The following SLC1A3 variants were observed in gnomAD, a reference collection of about 807,000 sequenced individuals.
SLC1A3 encodes solute carrier family 1 member 3, also known as excitatory amino acid transporter 1.
SLC1A3 carries 21 observed loss-of-function variants against 48.1 expected under a neutral mutation model. That is an observed-to-expected ratio of 0.44 (90% CI 0.31 to 0.63). The LOEUF (loss-of-function observed/expected upper bound fraction) is 0.63. SLC1A3 is among the 20% of genes least tolerant of loss of function. The probability of loss-of-function intolerance (pLI) is 0.08; values close to 1 mark genes in which losing one functional copy is unlikely to be tolerated. For missense variants in SLC1A3, 546 were observed against 689.0 expected (o/e 0.79, Z 2.32); for synonymous variants, 239 against 251.4 (o/e 0.95, Z 0.47).
At chr5:36,681,156 T>C (rs1388836222) in intron 8 of SLC1A3, among the ~76,000 whole-genome samples, 1 of 152,218 alleles carries the variant, frequency 6.6e-6, no homozygotes, top group African/African-American at 2.4e-5. Context: ...CTTCTGTAAG[T>C]GACCATTGTT....
intron 2 of SLC1A3, among the ~76,000 whole-genome samples, chr5:36,614,007 C>T (rs191926814): frequency 7.9e-5 from 12 of 152,322 alleles, no homozygotes; most frequent in African/African-American, 2.6e-4. Flanking sequence ...CCTACTGTGA[C>T]GGTGTAGCCC....
intron 3 of SLC1A3, among the ~76,000 whole-genome samples, chr5:36,656,219 A>C (rs1374321809): frequency 6.6e-6 from 1 of 152,192 alleles, no homozygotes; most frequent in African/African-American, 2.4e-5. Context: ...CTGAAAGGTC[A>C]TTGTTATTAT....
At chr5:36,601,792 C>CT (rs1179140789), upstream of SLC1A3, among the ~76,000 whole-genome samples, 79 of 145,382 alleles carry the variant, frequency 5.4e-4, no homozygotes, top group Middle Eastern at 3.5e-3. Flanking sequence ...AACTCATTGG[C>CT]TTTTTTTTTT....
intron 3 of SLC1A3, chr5:36,666,213 G>T (rs571504558): frequency 6.6e-6 from 1 of 152,148 alleles, no homozygotes; most frequent in Non-Finnish European, 1.5e-5. Context: ...GAAGTATATT[G>T]TATTTTTAGA....
At chr5:36,668,561 T>G (rs1741855377) in intron 3 of SLC1A3, 1 of 152,176 alleles carries the variant, frequency 6.6e-6, no homozygotes, top group Non-Finnish European at 1.5e-5. Context: ...TATACCTCCC[T>G]TACCTTTCTT....
At chr5:36,651,106 T>C (rs1022595878) in intron 3 of SLC1A3, among the ~76,000 whole-genome samples, 3 of 138,124 alleles carry the variant, frequency 2.2e-5, no homozygotes, top group African/African-American at 8.5e-5. Context: ...CTATTCTAGA[T>C]GTGATATATA....
At chr5:36,608,289 C>A (rs532187788) in intron 1 of SLC1A3, 40 bp from the exon 2 acceptor site, 2 of 764,882 alleles carry the variant, frequency 2.6e-6, no homozygotes, top group Non-Finnish European at 2.2e-6. Context: ...TTTCTCACCC[C>A]TGGAGGCTAT....
intron 5 of SLC1A3, among the ~76,000 whole-genome samples, chr5:36,675,252 T>TAA (rs3216691): frequency 8.0e-5 from 12 of 149,520 alleles, no homozygotes; most frequent in Middle Eastern, 3.4e-3. Flanking sequence ...ATTCTTTCTT[T>TAA]AAAAAAAAAA....
At chr5:36,657,503 T>TA (rs149051212) in intron 3 of SLC1A3, among the ~76,000 whole-genome samples, 7,004 of 152,236 alleles carry the variant, frequency 0.046, 225 homozygotes, top group Middle Eastern at 0.13. Flanking sequence ...TGTACTTTTC[T>TA]AAAAAAACCC....
chr5:36,644,504 A>G (rs1740758374), intron 3 of SLC1A3, among the ~76,000 whole-genome samples: 1 of 152,228 alleles, frequency 6.6e-6, no homozygotes. Context: ...TAAAGCAGGT[A>G]ACACAACTAT....
chr5:36,620,752 C>T (rs921050312), intron 2 of SLC1A3, among the ~76,000 whole-genome samples: 1 of 152,160 alleles, frequency 6.6e-6, no homozygotes, highest in African/African-American at 2.4e-5. Context: ...GTGGAGCTTA[C>T]ATTTAGCAGG....
At chr5:36,624,662 C>T (rs141382742) in intron 2 of SLC1A3, among the ~76,000 whole-genome samples, 6 of 152,282 alleles carry the variant, frequency 3.9e-5, no homozygotes, top group South Asian at 2.1e-4. Flanking sequence ...CGTTGACACA[C>T]GTCTTCATTA....
intron 3 of SLC1A3, among the ~76,000 whole-genome samples, chr5:36,664,971 C>A (rs1741672961): frequency 6.6e-6 from 1 of 152,150 alleles, no homozygotes; most frequent in Non-Finnish European, 1.5e-5. Flanking sequence ...CCTTCCTGAG[C>A]AGCTTAGGGC....
chr5:36,608,527 A>T lies in SLC1A3; in HGVS notation c.104A>T (p.Asn35Ile). The T allele has an allele frequency of 1.2e-6, 2 of 1,614,084 alleles. No homozygotes were observed. The highest frequency in any genetic ancestry group is 1.7e-6 in the Non-Finnish European group (2 of 1,179,930). Reference sequence around the variant, plus strand: ...CTTTTGGCCAAGAAGAAAGTGCAGAACATTACAAAGGAGGATGTTAAAAGT... The same window carrying T: ...CTTTTGGCCAAGAAGAAAGTGCAGATCATTACAAAGGAGGATGTTAAAAGT... ...RTLLAKKKVQ[N>I]ITKEDVKSYL... The change falls in exon 2 of 10, where the codon AAC becomes ATC. Residue 35 changes from asparagine to isoleucine, a missense_variant. By Grantham distance (149) the Asn-to-Ile change is moderately radical. Transcript: ENST00000265113.
At position 36,623,879 on chromosome 5, in the gene SLC1A3, A is replaced by G. The variant is rs560634180; in HGVS notation, c.182-5571A>G. Among the ~76,000 whole-genome samples the G allele has an allele frequency of 6.1e-4, 86 of 141,258 alleles. No individual in the cohort carries two copies. In the East Asian group the frequency reaches 9.8e-3, roughly 16 times the overall value. The allele number at this position is 141,258 out of a possible 152,430, so 92.7% of individuals were successfully genotyped here. A position where few individuals can be genotyped will look rare whatever the true frequency, so the allele number is the denominator to read the frequency against. ...CACCGTCTCAAAAAAAAAAAAAAAA[A>G]GAAAAGAAAAAGAAAGACTGGTCAT... On this transcript the variant is annotated intron_variant, in intron 2 of 9. Transcript: ENST00000265113.
At chr5:36,612,575 C>T (rs941751235) in intron 2 of SLC1A3, among the ~76,000 whole-genome samples, 1 of 149,784 alleles carries the variant, frequency 6.7e-6, no homozygotes, top group Middle Eastern at 3.2e-3. Flanking sequence ...GATGACAGAG[C>T]GAGACCCTGT....
At chr5:36,626,906 T>C (rs1002415173) in intron 2 of SLC1A3, among the ~76,000 whole-genome samples, 3 of 151,970 alleles carry the variant, frequency 2.0e-5, no homozygotes, top group Non-Finnish European at 4.4e-5. Context: ...ACAAAACAAG[T>C]AAACAAAGAA....
At chr5:36,610,093 A>ATCAATTT (rs1739131198) in intron 2 of SLC1A3, among the ~76,000 whole-genome samples, 2 of 152,164 alleles carry the variant, frequency 1.3e-5, no homozygotes, top group South Asian at 4.2e-4. Flanking sequence ...GACTGTGGAG[A>ATCAATTT]GATCAAGCAA....
At chr5:36,622,100 T>C (rs934417054) in intron 2 of SLC1A3, among the ~76,000 whole-genome samples, 1 of 152,244 alleles carries the variant, frequency 6.6e-6, no homozygotes, top group Non-Finnish European at 1.5e-5. Context: ...CCTGGTCCCC[T>C]TTCTGGCTAG....
Sources: gnomAD v4.1 joint callset for allele counts (sites outside exome capture counted in the v4.1 genomes callset) on GRCh38, gnomAD v4.1.1 for gene constraint, MANE v1.5 for transcripts, NCBI Gene and HGNC (gene_info 2026-07-23, HGNC 2026-07-21) for gene names.